The following OR9Q1 variants were observed in gnomAD, a reference collection of about 807,000 sequenced individuals.
OR9Q1 encodes the protein olfactory receptor family 9 subfamily Q member 1.
For synonymous variants in OR9Q1, 153 were observed against 148.6 expected (o/e 1.03, Z -0.22); for missense variants, 374 against 378.8 (o/e 0.99, Z 0.11).
chr11:58,038,964 ATCT>A (rs1853133829), intron 1 of OR9Q1, among the ~76,000 whole-genome samples: 1 of 152,038 alleles, frequency 6.6e-6, no homozygotes, highest in East Asian at 1.9e-4. Context: ...TCTAAATTGA[ATCT>A]TCTTCTTTAT....
At chr11:58,144,902 G>C (rs897490728) in intron 2 of OR9Q1, 1 of 152,470 alleles carries the variant, frequency 6.6e-6, no homozygotes, top group Admixed American at 6.6e-5. Flanking sequence ...CCAAAGACCC[G>C]CCTGGCGCTG....
intron 2 of OR9Q1, among the ~76,000 whole-genome samples, chr11:58,121,695 A>T (rs1310926037): frequency 6.6e-6 from 1 of 152,246 alleles, no homozygotes; most frequent in Non-Finnish European, 1.5e-5. Context: ...AGCCATGAAT[A>T]TAGAAATTAG....
intron 2 of OR9Q1, among the ~76,000 whole-genome samples, chr11:58,157,540 A>C (rs1402526697): frequency 6.6e-6 from 1 of 152,070 alleles, no homozygotes; most frequent in Non-Finnish European, 1.5e-5. Context: ...AAGGAAGAAA[A>C]GAAGGAAGGA....
chr11:58,077,259 C>T (rs1565069599), intron 2 of OR9Q1: 1 of 152,136 alleles, frequency 6.6e-6, no homozygotes. Context: ...GCAAGTTTGT[C>T]AAGGAGCTAC....
At chr11:58,053,681 A>G (rs1025371882) in intron 1 of OR9Q1, among the ~76,000 whole-genome samples, 7 of 147,364 alleles carry the variant, frequency 4.8e-5, no homozygotes, top group African/African-American at 1.7e-4. Context: ...TAAAATAAAA[A>G]TATTTAATTC....
chr11:58,161,418 A>T (rs897785372), intron 2 of OR9Q1, among the ~76,000 whole-genome samples: 3 of 152,096 alleles, frequency 2.0e-5, no homozygotes, highest in Admixed American at 1.3e-4. Flanking sequence ...ATGGACAGAA[A>T]ATACTGCCTG....
At chr11:58,030,816 T>TA in intron 1 of OR9Q1, 1 of 653,218 alleles carries the variant, frequency 1.5e-6, no homozygotes, top group Non-Finnish European at 2.7e-6. Flanking sequence ...TCTTTGAGGG[T>TA]AAGAACAGTG....
At chr11:58,118,616 A>C in intron 2 of OR9Q1, 9 of 1,614,064 alleles carry the variant, frequency 5.6e-6, no homozygotes, top group Non-Finnish European at 7.6e-6. Context: ...ACTGTATAGA[A>C]GACAGACACG....
intron 2 of OR9Q1, among the ~76,000 whole-genome samples, chr11:58,142,040 G>A (rs1397988269): frequency 6.6e-6 from 1 of 152,136 alleles, no homozygotes; most frequent in Non-Finnish European, 1.5e-5. Flanking sequence ...GCCAAATGAT[G>A]TATGCAAGTA....
chr11:58,032,400 G>T (rs1210304143), intron 1 of OR9Q1, among the ~76,000 whole-genome samples: 1 of 152,076 alleles, frequency 6.6e-6, no homozygotes, highest in African/African-American at 2.4e-5. Flanking sequence ...AAACAGCATG[G>T]TGCTAGTACA....
intron 2 of OR9Q1, among the ~76,000 whole-genome samples, chr11:58,175,420 G>C (rs1228561133): frequency 1.3e-5 from 2 of 151,990 alleles, no homozygotes; most frequent in Admixed American, 6.6e-5. Flanking sequence ...TGTCCGAACT[G>C]ACAAAGTCCA....
rs148886912 is a variant in OR9Q1 at position 58,100,667 on chromosome 11, A to G, written c.-15+44720A>G. Reference sequence around the variant, plus strand: ...TGAATATTTCTTATAGTTTGTGTCTACTGAAACTATTTCTTTCAGCTTCAA... The same window carrying G: ...TGAATATTTCTTATAGTTTGTGTCTGCTGAAACTATTTCTTTCAGCTTCAA... On this transcript the variant is annotated intron_variant, in intron 2 of 2. Transcript: ENST00000335397. 1.8e-4 allele frequency among the ~76,000 whole-genome samples: 27 copies of G among 152,056 alleles called. No homozygotes were observed. In the East Asian group the frequency reaches 3.7e-3, roughly 21 times the overall value.
At chr11:58,119,918 A>G (rs1048993935) in intron 2 of OR9Q1, among the ~76,000 whole-genome samples, 3 of 152,110 alleles carry the variant, frequency 2.0e-5, no homozygotes, top group African/African-American at 7.2e-5. Context: ...CCCCTTCTAG[A>G]TACAGCAATT....
chr11:58,135,380 G>GCA (rs975565019), intron 2 of OR9Q1, among the ~76,000 whole-genome samples: 1 of 152,146 alleles, frequency 6.6e-6, no homozygotes, highest in Non-Finnish European at 1.5e-5. Flanking sequence ...AACACAGACA[G>GCA]CATGTGGGTG....
At chr11:58,053,632 A>ATATATATATAAGTTATATATATAT (rs1554965507) in intron 1 of OR9Q1, among the ~76,000 whole-genome samples, 2 of 118,684 alleles carry the variant, frequency 1.7e-5, no homozygotes, top group African/African-American at 6.3e-5. Flanking sequence ...TATATAAAAT[A>ATATATATATAAGTTATATATATAT]TATATATATA....
intron 2 of OR9Q1, among the ~76,000 whole-genome samples, chr11:58,076,514 GAC>G (rs1200825330): frequency 6.6e-6 from 1 of 152,146 alleles, no homozygotes; most frequent in Non-Finnish European, 1.5e-5. Flanking sequence ...ACTCCTTCAA[GAC>G]AAGCAGGAGA....
intron 2 of OR9Q1, chr11:58,072,547 C>T (rs1853498054): frequency 6.4e-6 from 1 of 155,168 alleles, no homozygotes; most frequent in Non-Finnish European, 1.5e-5. Flanking sequence ...AATCAAGCAC[C>T]TTGATGTGTG....
chr11:58,117,297 A>G (rs1853965608), intron 2 of OR9Q1: 1 of 152,166 alleles, frequency 6.6e-6, no homozygotes, highest in Non-Finnish European at 1.5e-5. Context: ...AAAGTCTCAT[A>G]ATAAATCAGT....
chr11:58,163,596 T>C (rs1045885579), intron 2 of OR9Q1, among the ~76,000 whole-genome samples: 2 of 152,240 alleles, frequency 1.3e-5, no homozygotes, highest in South Asian at 4.1e-4. Flanking sequence ...GCACTTGTCC[T>C]AGTTATTTTT....
Sources: gnomAD v4.1 joint callset for allele counts (sites outside exome capture counted in the v4.1 genomes callset) on GRCh38, gnomAD v4.1.1 for gene constraint, MANE v1.5 for transcripts, NCBI Gene and HGNC (gene_info 2026-07-23, HGNC 2026-07-21) for gene names.